MYO18A: variants seen among roughly 807,000 people sequenced by gnomAD.
The protein encoded by MYO18A is myosin XVIIIA, also known as unconventional myosin-XVIIIa.
Under a neutral mutation model 235.8 loss-of-function variants are expected in MYO18A, and 78 were observed. The observed-to-expected ratio is 0.33, with a 90% CI of 0.28 to 0.40. The LOEUF (loss-of-function observed/expected upper bound fraction) is 0.40, where lower values mean the gene tolerates loss of function less well. MYO18A is among the 10% of genes least tolerant of loss of function. MYO18A has a pLI of 1.00. For missense variants in MYO18A, 2,215 were observed against 2,699.3 expected, an observed-to-expected ratio of 0.82 and a Z score of 3.98; for synonymous variants, 977 against 1,077.8, an observed-to-expected ratio of 0.91 and a Z score of 1.83.
Position 29,140,438 on chromosome 17 carries a change from GC to G in MYO18A, c.1000-18186del. The G allele has an allele frequency of 8.0e-7, 1 of 1,251,054 alleles. No individual in the cohort carries two copies. 77.5% of individuals were successfully genotyped at this position (1,251,054 alleles called of 1,614,324 possible). A position where few individuals can be genotyped will look rare whatever the true frequency, so the allele number is the denominator to read the frequency against. The stretch of plus-strand genomic sequence containing the variant: ...TCAAAATAGCACAGGCTGTGGCCCC[GC>G]CCAGTTCCCGCCCTCTCCCCGGCCC... On this transcript the variant is annotated intron_variant, in intron 2 of 41. Coordinates refer to ENST00000527372, the MANE Select transcript of MYO18A (RefSeq NM_078471.4). The surrounding 1 kb of genome is among the most constrained non-coding windows in gnomAD (Gnocchi z 4.2).
chr17:29,138,140 C>T (rs2067649885), intron 2 of MYO18A, among the ~76,000 whole-genome samples: 1 of 152,168 alleles, frequency 6.6e-6, no homozygotes, highest in Non-Finnish European at 1.5e-5. Context: ...GGCACAAATG[C>T]TCCTGGGAGA....
chr17:29,179,815 GAA>G (rs1204739855), intron 1 of MYO18A, among the ~76,000 whole-genome samples: 1 of 152,116 alleles, frequency 6.6e-6, no homozygotes, highest in African/African-American at 2.4e-5. Context: ...GCCCGGCAGT[GAA>G]AGAGTGAAGG....
chr17:29,118,330 A>G lies in MYO18A; in HGVS notation c.1893+47T>C. 7 of 1,580,120 alleles carry G rather than the reference A, an allele frequency of 4.4e-6. No individual in the cohort carries two copies. Among genetic ancestry groups the G allele is most frequent in the Non-Finnish European group, 6.1e-6 (7 of 1,156,392 alleles). On this transcript the variant is annotated intron_variant, in intron 9 of 41. Coordinates refer to ENST00000527372, the MANE Select transcript of MYO18A (RefSeq NM_078471.4). This position sits in a 1 kb window ranked among gnomAD's most constrained non-coding sequence, Gnocchi z 4.2. ...CACAGGACCCATGGAGGCTTCTCCT[A>G]CCCCCAAGGCCCAGGGCTGGCAACC...
intron 13 of MYO18A, 45 bp downstream of exon 13, chr17:29,115,306 C>T (rs1381736764): frequency 6.2e-7 from 1 of 1,603,572 alleles, no homozygotes; most frequent in Non-Finnish European, 8.5e-7. Flanking sequence ...ATCTACTCCA[C>T]CTCTGCCAAA....
chr17:29,165,713 A>G (rs542068767), intron 2 of MYO18A, among the ~76,000 whole-genome samples: 1 of 152,192 alleles, frequency 6.6e-6, no homozygotes, highest in African/African-American at 2.4e-5. Context: ...ATTAGGTTAA[A>G]CCTGGTGGGG....
At position 29,118,511 on chromosome 17, in the gene MYO18A, G is replaced by C. The variant is rs1009988583; in HGVS notation, c.1830-71C>G. On this transcript the variant is annotated intron_variant, in intron 8 of 41. Transcript: ENST00000527372. This position sits in a 1 kb window ranked among gnomAD's most constrained non-coding sequence, Gnocchi z 4.2. ...CAAGGCCATTTCCGCCCAGGGTGGAGACAGACAGACTCAGCTTCCAGACTC... is the reference window on the plus strand; with the variant it reads ...CAAGGCCATTTCCGCCCAGGGTGGACACAGACAGACTCAGCTTCCAGACTC... The C allele has an allele frequency of 2.2e-6, 3 of 1,382,306 alleles. No individual in the cohort carries two copies. The highest frequency in any genetic ancestry group is 3.0e-6 in the Non-Finnish European group (3 of 992,334). 85.6% of individuals were successfully genotyped at this position (1,382,306 alleles called of 1,614,324 possible).
rs937618107 is a variant in MYO18A at position 29,158,851 on chromosome 17, G to A, written c.999+7091C>T. Among the ~76,000 whole-genome samples the A allele has an allele frequency of 8.5e-5, 13 of 152,292 alleles. No homozygotes were observed. Among genetic ancestry groups the A allele is most frequent in the African/African-American group, 3.1e-4 (13 of 41,558 alleles). On this transcript the variant is annotated intron_variant, in intron 2 of 41. Transcript: ENST00000527372. This position sits in a 1 kb window ranked among gnomAD's most constrained non-coding sequence, Gnocchi z 4.3. Reference sequence around the variant, plus strand: ...CCTACTCCCCACTCACCCCCAGTCAGGGTGTTTGCATATCTGGTATTTTCC... The same window carrying A: ...CCTACTCCCCACTCACCCCCAGTCAAGGTGTTTGCATATCTGGTATTTTCC...
chr17:29,087,113 A>C lies in MYO18A; in HGVS notation c.5535T>G (p.Ala1845=). ...RTQVKRLESL[A]SRLKENMEKL... The stretch of plus-strand genomic sequence containing the variant: ...TCTCCATGTTTTCCTTGAGACGGCT[A>C]GCCAGGCTCTGGATAGGTAGGTGGG... Residue 1845 remains alanine, a synonymous_variant, in exon 38 of 42, where the codon GCT becomes GCG. Coordinates refer to ENST00000527372, the MANE Select transcript of MYO18A (RefSeq NM_078471.4). The C allele has an allele frequency of 2.5e-6, 4 of 1,613,378 alleles. No homozygotes were observed. Among genetic ancestry groups the C allele is most frequent in the Non-Finnish European group, 2.5e-6 (3 of 1,179,548 alleles).
intron 20 of MYO18A, among the ~76,000 whole-genome samples, chr17:29,104,311 AGAG>A (rs1455384955): frequency 6.6e-6 from 1 of 152,202 alleles, no homozygotes; most frequent in Non-Finnish European, 1.5e-5. Flanking sequence ...GGGAAAGAGA[AGAG>A]GAGAACACGC....
At chr17:29,084,739 C>G (rs2066209297) in intron 40 of MYO18A, among the ~76,000 whole-genome samples, 1 of 152,084 alleles carries the variant, frequency 6.6e-6, no homozygotes, top group African/African-American at 2.4e-5. Flanking sequence ...CCAGCCCATC[C>G]TGGCCAGGGG....
At chr17:29,157,552 T>TA (rs1376827581) in intron 2 of MYO18A, among the ~76,000 whole-genome samples, 2 of 152,212 alleles carry the variant, frequency 1.3e-5, no homozygotes, top group Non-Finnish European at 2.9e-5. Flanking sequence ...GTGAGTCACT[T>TA]AATACCTGTG....
chr17:29,112,421 G>C (rs534995415), intron 15 of MYO18A, among the ~76,000 whole-genome samples: 1 of 152,356 alleles, frequency 6.6e-6, no homozygotes, highest in South Asian at 2.1e-4. Context: ...TGACTTAACG[G>C]ACGTGGCAGC....
intron 20 of MYO18A, among the ~76,000 whole-genome samples, chr17:29,104,468 G>A (rs2066732477): frequency 6.6e-6 from 1 of 152,156 alleles, no homozygotes; most frequent in Non-Finnish European, 1.5e-5. Context: ...AAGAGAAAGA[G>A]GCGGCTTGTG....
intron 21 of MYO18A, 103 bp downstream of exon 21, chr17:29,103,496 A>G: frequency 1.7e-6 from 2 of 1,149,698 alleles, no homozygotes; most frequent in Non-Finnish European, 2.6e-6. Context: ...GCACCAGGAG[A>G]CTGGTGATGT....
rs1028511341 is a variant in MYO18A, at chr17:29,120,544, G to C, written c.1728+72C>G. ...TCCCAGGAAAATGAGGCATGGGAGA[G>C]AGCCTGATGTCTAGGTCATGAAATC... is the stretch of plus-strand genomic sequence containing the variant. On this transcript the variant is annotated intron_variant, in intron 7 of 41. Transcript: ENST00000527372. The surrounding 1 kb of genome is among the most constrained non-coding windows in gnomAD (Gnocchi z 4.2). 22 of 1,534,868 alleles carry C rather than the reference G, an allele frequency of 1.4e-5. No individual in the cohort carries two copies. The South Asian group carries it at 2.3e-4, about 16-fold the overall frequency.
chr17:29,130,474 C>CCACACACACACACACACA (rs71135871), intron 2 of MYO18A, among the ~76,000 whole-genome samples: 1 of 142,140 alleles, frequency 7.0e-6, no homozygotes, highest in Non-Finnish European at 1.5e-5. Context: ...GAGGCCTCTC[C>CCACACACACACACACACA]CACACACACA....
intron 2 of MYO18A, chr17:29,128,194 A>C: frequency 1.3e-6 from 1 of 771,702 alleles, no homozygotes; most frequent in Non-Finnish European, 1.7e-6. Flanking sequence ...GAGCAGGGGG[A>C]GGTGGGGGAG....
intron 41 of MYO18A, chr17:29,075,157 G>A (rs967345037): frequency 1.3e-5 from 6 of 454,030 alleles, no homozygotes; most frequent in East Asian, 1.1e-4. Context: ...GGACTCAAGC[G>A]TGCATAAGAA....
In MYO18A at chr17:29,096,743, G is replaced by T; in HGVS notation, c.4385+18C>A. On this transcript the variant is annotated intron_variant, in intron 28 of 41. Transcript: ENST00000527372. ...GCTCCAGAAGGTTCTCTGGGCCCAG[G>T]GCAGGGGGCCCACCCACCTCCTCTG... The T allele has an allele frequency of 6.3e-7, 1 of 1,584,432 alleles. No individual in the cohort carries two copies.
Sources: gnomAD v4.1 joint callset for allele counts (sites outside exome capture counted in the v4.1 genomes callset) on GRCh38, gnomAD v4.1.1 for gene constraint, Gnocchi (gnomAD v3.1) non-coding constraint, MANE v1.5 for transcripts, NCBI Gene and HGNC (gene_info 2026-07-23, HGNC 2026-07-21) for gene names.